The following COBLL1 variants were observed in gnomAD, a reference collection of about 807,000 sequenced individuals.
The protein encoded by COBLL1 is cordon-bleu protein-like 1.
A neutral mutation model predicts 94.8 loss-of-function variants in COBLL1; 50 were observed. The ratio of observed to expected loss-of-function variants is 0.53; its 90% CI spans 0.42 to 0.67. The LOEUF is 0.67. Ranked by LOEUF, COBLL1 falls within the 30% of genes least tolerant of loss-of-function variation. COBLL1 has a pLI of 0.00. For synonymous variants in COBLL1, 448 were observed against 473.8 expected, an observed-to-expected ratio of 0.95 and a Z score of 0.71; for missense variants, 1,362 against 1,348.7, an observed-to-expected ratio of 1.01 and a Z score of -0.15.
intron 2 of COBLL1, among the ~76,000 whole-genome samples, chr2:164,760,248 G>A (rs924059386): frequency 1.3e-5 from 2 of 152,124 alleles, no homozygotes; most frequent in Admixed American, 6.5e-5. Flanking sequence ...CATTCAACTC[G>A]GATGGATCTC....
rs377120608 is a variant in COBLL1, at chr2:164,674,451, C to G, written n.127-8550G>C. Among the ~76,000 whole-genome samples, 3 of 152,244 alleles carry G rather than the reference C, an allele frequency of 2.0e-5. No individual in the cohort carries two copies. The East Asian group carries it at 5.8e-4, about 29-fold the overall frequency. On this transcript the variant is annotated intron_variant and non_coding_transcript_variant, in intron 1 of 2. Coordinates refer to the COBLL1 transcript ENST00000495084. ...TATAGAAGAATGAGGACTCTAGAGT[C>G]AAAATGCCTGGGTTCATGTTCTGGC...
intron 2 of COBLL1, among the ~76,000 whole-genome samples, chr2:164,818,713 T>G (rs1042608363): frequency 3.0e-5 from 4 of 135,462 alleles, no homozygotes; most frequent in Non-Finnish European, 6.4e-5. Flanking sequence ...TAAACATATA[T>G]AGTATATATA....
chr2:164,723,356 T>C (rs1405599501), intron 5 of COBLL1: 1 of 152,142 alleles, frequency 6.6e-6, no homozygotes, highest in African/African-American at 2.4e-5. Context: ...CTACAAACAA[T>C]GACACAGCCA....
chr2:164,818,353 C>T (rs111071756), intron 2 of COBLL1, among the ~76,000 whole-genome samples: 27,800 of 137,214 alleles, frequency 0.2, 3,366 homozygotes, highest in African/African-American at 0.32. Context: ...TACATATGTG[C>T]ATATACGTAT....
At chr2:164,698,858 T>C (rs1684089570) in intron 11 of COBLL1, among the ~76,000 whole-genome samples, 1 of 151,934 alleles carries the variant, frequency 6.6e-6, no homozygotes, top group South Asian at 2.1e-4. Flanking sequence ...ATATATGCCT[T>C]ATGATATAGA....
chr2:164,743,316 A>G (rs1413431238), intron 3 of COBLL1: 2 of 161,910 alleles, frequency 1.2e-5, no homozygotes, highest in Non-Finnish European at 2.7e-5. Context: ...ATTTGAGAAG[A>G]AAAGGATAGG....
In COBLL1 at chr2:164,841,737, G is replaced by T; in HGVS notation, c.-78C>A. ...TCTTTTCCAAAGGAGACAGTAGCTC[G>T]CCTGTTCTCCCTCGCGGCTTCCTCT... On this transcript the variant is annotated 5_prime_UTR_variant, in exon 1 of 14. Transcript: ENST00000652658. The surrounding 1 kb of genome is among the most constrained non-coding windows in gnomAD (Gnocchi z 5.5). The T allele has an allele frequency of 3.8e-6, 2 of 527,020 alleles. No individual in the cohort carries two copies. The highest frequency in any genetic ancestry group is 6.7e-6 in the Non-Finnish European group (2 of 300,708). 32.6% of individuals were successfully genotyped at this position (527,020 alleles called of 1,614,324 possible).
At chr2:164,668,148 G>C (rs1024825232) in intron 1 of COBLL1, among the ~76,000 whole-genome samples, 1 of 152,062 alleles carries the variant, frequency 6.6e-6, no homozygotes, top group Non-Finnish European at 1.5e-5. Context: ...ATTTTTTGTA[G>C]AGGTGGGGTT....
At chr2:164,811,779 T>TG (rs200475739) in intron 2 of COBLL1, among the ~76,000 whole-genome samples, 2,437 of 152,044 alleles carry the variant, frequency 0.016, 30 homozygotes, top group Middle Eastern at 0.024. Flanking sequence ...ATAAAGAACC[T>TG]GAGCAACAGT....
intron 2 of COBLL1, among the ~76,000 whole-genome samples, chr2:164,780,491 C>T (rs537728628): frequency 1.3e-5 from 2 of 152,132 alleles, no homozygotes; most frequent in South Asian, 4.2e-4. Context: ...TTGAGATTTT[C>T]ATGGCTTTTC....
At chr2:164,805,881 G>A (rs751261106) in intron 2 of COBLL1, among the ~76,000 whole-genome samples, 3 of 152,128 alleles carry the variant, frequency 2.0e-5, no homozygotes, top group Admixed American at 2.0e-4. Flanking sequence ...TAGTAAGAAC[G>A]TGTTTAGTTT....
chr2:164,752,020 C>T (rs1412882627), intron 2 of COBLL1, among the ~76,000 whole-genome samples: 1 of 152,072 alleles, frequency 6.6e-6, no homozygotes, highest in Non-Finnish European at 1.5e-5. Context: ...TTCAGTTATA[C>T]TTGGTATAAT....
At chr2:164,805,345 A>T (rs1376697899) in intron 2 of COBLL1, among the ~76,000 whole-genome samples, 50 of 102,128 alleles carry the variant, frequency 4.9e-4, no homozygotes, top group Non-Finnish European at 6.8e-4. Flanking sequence ...CTCTATATAT[A>T]TATATATATA....
intron 2 of COBLL1, among the ~76,000 whole-genome samples, chr2:164,781,529 C>T (rs1688724178): frequency 2.0e-5 from 3 of 152,174 alleles, no homozygotes; most frequent in African/African-American, 7.2e-5. Context: ...GCTCTTTCCC[C>T]TTTCTCACAA....
chr2:164,762,797 G>T (rs1687747584), intron 2 of COBLL1, among the ~76,000 whole-genome samples: 1 of 150,350 alleles, frequency 6.7e-6, no homozygotes, highest in African/African-American at 2.5e-5. Flanking sequence ...CCAGGGTTCA[G>T]GCCATTCTCC....
At chr2:164,823,759 T>C (rs1015615196) in intron 2 of COBLL1, among the ~76,000 whole-genome samples, 1 of 152,160 alleles carries the variant, frequency 6.6e-6, no homozygotes, top group Admixed American at 6.5e-5. Flanking sequence ...TCTCAAAAAT[T>C]TGTGATGGCT....
At chr2:164,816,185 G>A (rs1244968751) in intron 2 of COBLL1, among the ~76,000 whole-genome samples, 2 of 152,008 alleles carry the variant, frequency 1.3e-5, no homozygotes, top group Admixed American at 1.3e-4. Flanking sequence ...GAATTTGGAA[G>A]TGGGTCTTGA....
At chr2:164,733,504 C>A (rs141816201) in intron 3 of COBLL1, among the ~76,000 whole-genome samples, 35 of 152,270 alleles carry the variant, frequency 2.3e-4, no homozygotes, top group African/African-American at 6.7e-4. Flanking sequence ...AATTCTAGGT[C>A]CAATTCTTTA....
upstream of COBLL1, chr2:164,842,036 C>A: frequency 2.0e-6 from 3 of 1,535,538 alleles, no homozygotes; most frequent in South Asian, 2.4e-5. Context: ...GGGACCAGCT[C>A]GGCGGCATTG....
Sources: allele counts gnomAD v4.1 joint callset (sites outside exome capture counted in the v4.1 genomes callset), GRCh38; gene constraint gnomAD v4.1.1; non-coding constraint Gnocchi (gnomAD v3.1); transcripts MANE v1.5; gene names NCBI Gene and HGNC (gene_info 2026-07-23, HGNC 2026-07-21).